Variants in NTM observed in about 807,000 individuals in gnomAD.
The protein encoded by NTM is neurotrimin, also known as IgLON family member 2.
NTM carries 13 observed loss-of-function variants against 42.1 expected under a neutral mutation model. That is an observed-to-expected ratio of 0.31 (90% CI 0.20 to 0.49). NTM has a LOEUF of 0.49. Ranked by LOEUF, NTM falls within the 20% of genes least tolerant of loss-of-function variation. The probability of loss-of-function intolerance (pLI) is 0.99; values close to 1 mark genes in which losing one functional copy is unlikely to be tolerated. For synonymous variants in NTM, 187 were observed against 179.2 expected (o/e 1.04, Z -0.35); for missense variants, 373 against 452.8 (o/e 0.82, Z 1.60).
intron 2 of NTM, among the ~76,000 whole-genome samples, chr11:131,974,541 A>G (rs1233722309): frequency 6.6e-6 from 1 of 152,218 alleles, no homozygotes; most frequent in Non-Finnish European, 1.5e-5. Flanking sequence ...TTCTGTGAGC[A>G]TAGCATAACG....
chr11:132,120,597 C>G (rs919407021), intron 2 of NTM, among the ~76,000 whole-genome samples: 2 of 152,142 alleles, frequency 1.3e-5, no homozygotes, highest in Non-Finnish European at 2.9e-5. Context: ...ATCTGTAAAC[C>G]ACATTGGATA....
chr11:131,855,443 A>G (rs543267073), intron 1 of NTM, among the ~76,000 whole-genome samples: 80 of 152,264 alleles, frequency 5.3e-4, no homozygotes, highest in Non-Finnish European at 9.0e-4. Flanking sequence ...TAAATTCCCC[A>G]CTCTACCAAC....
At chr11:131,661,114 G>A in intron 1 of NTM, 1 of 1,133,158 alleles carries the variant, frequency 8.8e-7, no homozygotes, top group African/African-American at 1.6e-5. Context: ...CCTAGATTCG[G>A]TGGAGATTCC....
intron 1 of NTM, among the ~76,000 whole-genome samples, chr11:131,735,960 G>A (rs1035860375): frequency 6.6e-6 from 1 of 151,916 alleles, no homozygotes; most frequent in Non-Finnish European, 1.5e-5. Flanking sequence ...AGCCTCCCGA[G>A]TAGCTGGGAT....
intron 1 of NTM, among the ~76,000 whole-genome samples, chr11:131,581,281 A>G (rs2058386265): frequency 6.6e-6 from 1 of 152,168 alleles, no homozygotes; most frequent in South Asian, 2.1e-4. Context: ...AAATGTGTAG[A>G]TACTGTTCTT....
intron 2 of NTM, among the ~76,000 whole-genome samples, chr11:132,116,890 G>A (rs969809252): frequency 1.3e-5 from 2 of 152,204 alleles, no homozygotes; most frequent in African/African-American, 4.8e-5. Flanking sequence ...AAATATAGGT[G>A]TAGGGAAGAA....
chr11:131,875,934 C>T (rs948277590), intron 1 of NTM, among the ~76,000 whole-genome samples: 3 of 152,156 alleles, frequency 2.0e-5, no homozygotes, highest in South Asian at 2.1e-4. Flanking sequence ...GCAGAGGCAG[C>T]GAGGAGCCTC....
chr11:131,571,352 C>T (rs2057420321), intron 1 of NTM, among the ~76,000 whole-genome samples: 1 of 152,182 alleles, frequency 6.6e-6, no homozygotes, highest in Non-Finnish European at 1.5e-5. Flanking sequence ...CATATATTAA[C>T]ACGAATCCCC....
chr11:132,090,859 A>T (rs1047886937), intron 2 of NTM, among the ~76,000 whole-genome samples: 29 of 152,170 alleles, frequency 1.9e-4, no homozygotes, highest in African/African-American at 6.0e-4. Flanking sequence ...GCTGTTGGGG[A>T]AAATCATATA....
intron 1 of NTM, among the ~76,000 whole-genome samples, chr11:131,522,819 G>A (rs2049935766): frequency 6.6e-6 from 1 of 152,180 alleles, no homozygotes; most frequent in South Asian, 2.1e-4. Flanking sequence ...TGGCCTTCAA[G>A]CCCCAGCTGC....
chr11:131,789,614 A>AAGGAGG (rs1565552725), intron 1 of NTM, among the ~76,000 whole-genome samples: 1 of 83,462 alleles, frequency 1.2e-5, no homozygotes, highest in Non-Finnish European at 2.5e-5. Flanking sequence ...GAAGAAGAAG[A>AAGGAGG]AGAAGAAGAA....
At position 131,746,426 on chromosome 11, in the gene NTM, G is replaced by A. The variant is rs76022395; in HGVS notation, c.83-165138G>A. On this transcript the variant is annotated intron_variant, in intron 1 of 8. Coordinates refer to ENST00000683400, the MANE Select transcript of NTM (RefSeq NM_001352005.2). ...AATGATGTAGCCAAATTGGTGTGGC[G>A]GAAGTTTTACAGAGAGGAAAGCAGG... Among the ~76,000 whole-genome samples, 38 of 151,652 alleles carry A rather than the reference G, an allele frequency of 2.5e-4. 1 individual carries two copies. The East Asian group carries it at 7.3e-3, about 29-fold the overall frequency.
intron 1 of NTM, among the ~76,000 whole-genome samples, chr11:131,857,799 G>A (rs1010394732): frequency 6.6e-6 from 1 of 151,974 alleles, no homozygotes; most frequent in African/African-American, 2.4e-5. Flanking sequence ...CTTATCTCCT[G>A]GCTCACCCAC....
At chr11:131,998,497 A>G (rs1157204416) in intron 2 of NTM, among the ~76,000 whole-genome samples, 2 of 152,144 alleles carry the variant, frequency 1.3e-5, no homozygotes, top group African/African-American at 4.8e-5. Context: ...TGCAAAGGGG[A>G]TAGTACTTAA....
At chr11:131,553,945 T>C (rs532561518) in intron 1 of NTM, among the ~76,000 whole-genome samples, 2 of 152,350 alleles carry the variant, frequency 1.3e-5, no homozygotes, top group African/African-American at 2.4e-5. Flanking sequence ...TCTTAACCTA[T>C]GAACCTGTTA....
rs1555162935 is a variant in NTM, at chr11:131,874,030, A to ATATATATATATATATATAT, written c.83-37534_83-37533insTATATATATATATATATAT. On this transcript the variant is annotated intron_variant, in intron 1 of 8. Transcript: ENST00000683400. ...ATAATATATTTATATAATATAATAT[A>ATATATATATATATATATAT]ATATATATATATATATATATATATA... Among the ~76,000 whole-genome samples, 155 of 76,610 alleles carry ATATATATATATATATATAT rather than the reference A, an allele frequency of 2.0e-3. 12 individuals carry two copies. Among genetic ancestry groups the ATATATATATATATATATAT allele is most frequent in the Non-Finnish European group, 3.8e-3 (131 of 34,150 alleles). The allele number at this position is 76,610 out of a possible 152,430, so 50.3% of individuals were successfully genotyped here. A position where few individuals can be genotyped will look rare whatever the true frequency, so the allele number is the denominator to read the frequency against.
intron 3 of NTM, among the ~76,000 whole-genome samples, chr11:132,181,955 T>TTATTA (rs59282682): frequency 7.1e-6 from 1 of 141,018 alleles, no homozygotes; most frequent in Non-Finnish European, 1.5e-5. Context: ...CACTATCTAG[T>TTATTA]TTATTATTAT....
chr11:131,467,694 AAAAAT>A (rs1340304133), intron 1 of NTM, among the ~76,000 whole-genome samples: 3 of 152,272 alleles, frequency 2.0e-5, no homozygotes, highest in African/African-American at 4.8e-5. Context: ...TGATTTTTAA[AAAAAT>A]AAAATAGAAT....
In NTM at chr11:131,996,100, G is replaced by A. The variant is rs192684720; in HGVS notation, c.167+84452G>A. On this transcript the variant is annotated intron_variant, in intron 2 of 8. Transcript: ENST00000683400. Reference sequence around the variant, plus strand: ...AACATAAATTCTATAGGGAAATTGGGCCAGTTTCAGGGGGACTGCCCTAAA... The same window carrying A: ...AACATAAATTCTATAGGGAAATTGGACCAGTTTCAGGGGGACTGCCCTAAA... Among the ~76,000 whole-genome samples the A allele has an allele frequency of 1.6e-3, 251 of 152,210 alleles. 5 individuals are homozygous for A. Among genetic ancestry groups the A allele is most frequent in the Non-Finnish European group, 2.9e-4 (20 of 68,008 alleles).
Sources: gnomAD v4.1 joint callset for allele counts (sites outside exome capture counted in the v4.1 genomes callset) on GRCh38, gnomAD v4.1.1 for gene constraint, MANE v1.5 for transcripts, NCBI Gene and HGNC (gene_info 2026-07-23, HGNC 2026-07-21) for gene names.